Variants in ABCC6 observed in about 807,000 individuals in gnomAD.
ABCC6 encodes the protein ATP binding cassette subfamily C member 6.
In ABCC6, 126 loss-of-function variants were observed where a neutral mutation model predicts 169.5. The ratio of observed to expected loss-of-function variants is 0.74; its 90% CI spans 0.64 to 0.86. ABCC6 has a LOEUF of 0.86. ABCC6 is among the 40% of genes least tolerant of loss of function. The pLI, the probability that ABCC6 is intolerant of heterozygous loss-of-function variation, is 0.00. For synonymous variants in ABCC6, 752 were observed against 814.7 expected (o/e 0.92, Z 1.31); for missense variants, 1,733 against 1,927.2 (o/e 0.90, Z 1.89).
At chr16:16,178,754 T>C in intron 18 of ABCC6, 44 bp downstream of exon 18, 1 of 1,612,044 alleles carries the variant, frequency 6.2e-7, no homozygotes, top group Non-Finnish European at 8.5e-7. Flanking sequence ...AAGTGCTTCC[T>C]CTGCCTTTGC....
At chr16:16,194,704 A>G (rs1198498991) in intron 10 of ABCC6, among the ~76,000 whole-genome samples, 1 of 151,810 alleles carries the variant, frequency 6.6e-6, no homozygotes, top group African/African-American at 2.4e-5. Context: ...TTGTTTGTTT[A>G]TTTTGAGATG....
chr16:16,192,753 CT>C lies in ABCC6; in HGVS notation c.1431+76del, dbSNP rs561626298. On this transcript the variant is annotated intron_variant, in intron 11 of 30. Transcript: ENST00000205557. ...CCGTGGGCTCGCACTCAGCTCTCCC[CT>C]CCGCATCTCCCACACCAGGACCTGT... The C allele has an allele frequency of 1.6e-4, 223 of 1,383,680 alleles. 2 individuals carry two copies. The South Asian group carries it at 2.5e-3, about 15-fold the overall frequency. The allele number at this position is 1,383,680 out of a possible 1,614,324, so 85.7% of individuals were successfully genotyped here.
intron 18 of ABCC6, among the ~76,000 whole-genome samples, chr16:16,178,504 G>T (rs572795592): frequency 6.6e-6 from 1 of 152,130 alleles, no homozygotes; most frequent in African/African-American, 2.4e-5. Flanking sequence ...GACTCCCTTA[G>T]CCTGTGTCTC....
rs72664214 is a variant in ABCC6, at chr16:16,155,037, C to T, written c.3883-6G>A. 3.5e-5 allele frequency: 54 copies of T among 1,551,524 alleles called. No individual in the cohort carries two copies. Among genetic ancestry groups the T allele is most frequent in the East Asian group, 1.5e-4 (6 of 41,218 alleles). ...GTCCTGCCAACGATGCCCACCTGCC[C>T]GGGGTTGGGAGGAAAGGCCTGCTCT... On this transcript the variant is annotated splice_polypyrimidine_tract_variant and splice_region_variant and intron_variant, in intron 27 of 30. Coordinates refer to ENST00000205557, the MANE Select transcript of ABCC6 (RefSeq NM_001171.6).
At chr16:16,176,443 T>C (rs1856684121) in intron 19 of ABCC6, among the ~76,000 whole-genome samples, 1 of 152,194 alleles carries the variant, frequency 6.6e-6, no homozygotes, top group Admixed American at 6.5e-5. Context: ...CACAGACCTG[T>C]AAGCAACAAG....
chr16:16,191,930 C>T (rs1308203102), intron 11 of ABCC6, among the ~76,000 whole-genome samples: 1 of 152,214 alleles, frequency 6.6e-6, no homozygotes, highest in African/African-American at 2.4e-5. Context: ...TGTTGCAAAG[C>T]TTCCAGTTAA....
chr16:16,164,602 GAGAT>G lies in ABCC6; in HGVS notation c.3306+1017_3306+1020del, dbSNP rs2046821889. Among the ~76,000 whole-genome samples, 5 of 152,320 alleles carry G rather than the reference GAGAT, an allele frequency of 3.3e-5. No individual in the cohort carries two copies. The South Asian group carries it at 1.0e-3, about 32-fold the overall frequency. On this transcript the variant is annotated intron_variant, in intron 23 of 30. Coordinates refer to ENST00000205557, the MANE Select transcript of ABCC6 (RefSeq NM_001171.6). ...TTTTTGCATGTTGAGTTGCTAAGGT[GAGAT>G]GATATGATAGCTAGTGGCCATAAGA...
At chr16:16,167,925 A>G (rs1290977373) in intron 22 of ABCC6, among the ~76,000 whole-genome samples, 2 of 152,170 alleles carry the variant, frequency 1.3e-5, no homozygotes, top group Non-Finnish European at 2.9e-5. Context: ...TTGCCACCCA[A>G]ATGAGGATTT....
chr16:16,209,487 A>T (rs2048520104), intron 6 of ABCC6, among the ~76,000 whole-genome samples: 3 of 152,210 alleles, frequency 2.0e-5, no homozygotes, highest in Admixed American at 2.0e-4. Flanking sequence ...TCAGTGGCTA[A>T]ACCAAGGGAT....
chr16:16,170,308 C>T (rs540134728), intron 21 of ABCC6, among the ~76,000 whole-genome samples: 39 of 152,168 alleles, frequency 2.6e-4, no homozygotes, highest in African/African-American at 9.4e-4. Context: ...CTGTGTTGCC[C>T]AGGCTAGTCT....
rs780601545 is a variant in ABCC6, at chr16:16,161,504, A to G, written c.3567T>C (p.Cys1189=). 109 of 1,613,870 alleles carry G rather than the reference A, an allele frequency of 6.8e-5. No homozygotes were observed. Among genetic ancestry groups the G allele is most frequent in the Non-Finnish European group, 8.8e-5 (104 of 1,180,044 alleles). The change falls in exon 25 of 31, where the codon TGT becomes TGC. Residue 1189 remains cysteine (C), a synonymous_variant. Coordinates refer to ENST00000205557, the MANE Select transcript of ABCC6 (RefSeq NM_001171.6). ...GNGLVFAAAT[C]AVLSKAHLSA... ...TGAGGTGGGCTTTGCTCAGCACAGC[A>G]CACGTGGCAGCTGCAAACACCAGGC...
intron 23 of ABCC6, among the ~76,000 whole-genome samples, chr16:16,163,670 A>T (rs577462804): frequency 6.6e-6 from 1 of 152,322 alleles, no homozygotes; most frequent in Admixed American, 6.5e-5. Flanking sequence ...CAAGGGTTAC[A>T]TGCCAGGTGA....
At chr16:16,207,861 AG>A (rs1425989920) in intron 7 of ABCC6, among the ~76,000 whole-genome samples, 4 of 150,892 alleles carry the variant, frequency 2.7e-5, no homozygotes, top group Admixed American at 1.3e-4. Context: ...TGAGGGCAGG[AG>A]TGGACAGAGT....
In ABCC6 at chr16:16,221,312, T is replaced by A. The variant is rs1596780253; in HGVS notation, c.219+337A>T. On this transcript the variant is annotated intron_variant, in intron 2 of 30. Coordinates refer to ENST00000205557, the MANE Select transcript of ABCC6 (RefSeq NM_001171.6). Reference sequence around the variant, plus strand: ...AATGCATAACTTTTTAAAAGGTTCATCCTAATGTGGCTCTAAAATTACCTT... The same window carrying A: ...AATGCATAACTTTTTAAAAGGTTCAACCTAATGTGGCTCTAAAATTACCTT... The A allele has an allele frequency of 6.5e-6, 9 of 1,376,730 alleles. No homozygotes were observed. In the East Asian group the frequency reaches 1.3e-4, roughly 21 times the overall value. The allele number at this position is 1,376,730 out of a possible 1,614,324, so 85.3% of individuals were successfully genotyped here.
In ABCC6 at chr16:16,198,165, G is replaced by A. The variant is rs376518465; in HGVS notation, c.1194C>T (p.Ser398=). The A allele has an allele frequency of 4.4e-5, 71 of 1,603,156 alleles. No homozygotes were observed. The highest frequency in any genetic ancestry group is 5.8e-5 in the Non-Finnish European group (68 of 1,174,712). The change falls in exon 10 of 31, where the codon AGC becomes AGT. Residue 398 remains serine, a synonymous_variant. Transcript: ENST00000205557. ...CCACCGCACTGGCCTTTCTGGAGCCGCTGGACAGAGCCAGGACCTGGCGGG... is the reference window on the plus strand; with the variant it reads ...CCACCGCACTGGCCTTTCTGGAGCCACTGGACAGAGCCAGGACCTGGCGGG... The part of the protein sequence containing the change: ...LVYRKVLALS[S]GSRKASAVGD...
chr16:16,169,946 C>A, intron 21 of ABCC6, 93 bp from the exon 22 acceptor site: 1 of 1,304,274 alleles, frequency 7.7e-7, no homozygotes, highest in Non-Finnish European at 1.1e-6. Context: ...AGAAAACATG[C>A]CCATGGCAGA....
intron 21 of ABCC6, among the ~76,000 whole-genome samples, chr16:16,172,297 T>G (rs1319448017): frequency 1.8e-4 from 2 of 11,418 alleles, no homozygotes; most frequent in African/African-American, 3.2e-4. Context: ...CATAAATGAG[T>G]GAGTGGGATG....
intron 13 of ABCC6, among the ~76,000 whole-genome samples, chr16:16,188,443 G>T (rs188982800): frequency 6.8e-4 from 103 of 152,210 alleles, no homozygotes; most frequent in African/African-American, 2.3e-3. Context: ...GATGGCTCAG[G>T]TATGCCGCCG....
Position 16,154,786 on chromosome 16 carries a change from G to C in ABCC6, c.4050C>G (p.Ile1350Met). The change falls in exon 29 of 31, where the codon ATC (isoleucine) becomes ATG (methionine). Residue 1350 changes from isoleucine to methionine, a missense_variant. By Grantham distance (10) the Ile-to-Met change is conservative. This residue lies in a region of ABCC6 where 1,601 missense variants were observed against 1,635.5 expected (regional missense o/e 0.98). Transcript: ENST00000205557. Reference sequence around the variant, plus strand: ...TCATCCGCAGAGAGCCAGGGAACAGGATGGGGTCCTGGCGGGGAGGGGCGG... The same window carrying C: ...TCATCCGCAGAGAGCCAGGGAACAGCATGGGGTCCTGGCGGGGAGGGGCGG... ...SRISIIPQDP[I>M]LFPGSLRMNL... is the part of the protein sequence containing the mutation. 6.2e-7 allele frequency: 1 copy of C among 1,612,312 alleles called. No homozygotes were observed. Among genetic ancestry groups the C allele is most frequent in the South Asian group, 1.1e-5 (1 of 90,622 alleles).
Sources: gnomAD v4.1 joint callset for allele counts (sites outside exome capture counted in the v4.1 genomes callset) on GRCh38, gnomAD v4.1.1 for gene constraint, gnomAD v4.1.1 regional missense constraint, MANE v1.5 for transcripts, NCBI Gene and HGNC (gene_info 2026-07-23, HGNC 2026-07-21) for gene names.